The following MALRD1 variants were observed in gnomAD, a reference collection of about 807,000 sequenced individuals.
The protein encoded by MALRD1 is MAM and LDL receptor class A domain containing 1, also known as MAM and LDL-receptor class A domain-containing protein 1.
MALRD1 carries 247 observed loss-of-function variants against 242.1 expected under a neutral mutation model. The observed-to-expected ratio is 1.02, with a 90% confidence interval of 0.92 to 1.13. The LOEUF is 1.13. MALRD1 is among the 50% of genes most tolerant of loss of function. The pLI is 0.00. For missense variants in MALRD1, 2,989 were observed against 2,533.1 expected (o/e 1.18, Z -3.86); for synonymous variants, 995 against 866.6 (o/e 1.15, Z -2.60).
intron 21 of MALRD1, chr10:19,290,280 A>G (rs1295111887): frequency 6.6e-6 from 1 of 152,194 alleles, no homozygotes; most frequent in Non-Finnish European, 1.5e-5. Context: ...ACACCATTCC[A>G]TACAGCTAGT....
intron 38 of MALRD1, among the ~76,000 whole-genome samples, chr10:19,706,582 C>T: frequency 6.6e-6 from 1 of 152,088 alleles, no homozygotes; most frequent in Non-Finnish European, 1.5e-5. Flanking sequence ...AAACTCCTGA[C>T]CTCAGGTGAT....
intron 17 of MALRD1, among the ~76,000 whole-genome samples, chr10:19,206,259 G>T (rs7081985): frequency 0.7 from 105,145 of 151,244 alleles, 36,830 homozygotes; most frequent in African/African-American, 0.79. Flanking sequence ...TTTTGCCTAT[G>T]TGTAATCTTT....
At position 19,591,131 on chromosome 10, in the gene MALRD1, T is replaced by C. The variant is rs78311185; in HGVS notation, c.5681-4063T>C. On this transcript the variant is annotated intron_variant, in intron 33 of 39. Coordinates refer to ENST00000454679, the MANE Select transcript of MALRD1 (RefSeq NM_001142308.3). ...CTCCATAATTTTGCCTTTTCTAGAA[T>C]GTCATATAGTCAAAATCAGACAGCA... Among the ~76,000 whole-genome samples the C allele has an allele frequency of 2.9e-3, 440 of 152,284 alleles. 1 individual carries two copies. Among genetic ancestry groups the C allele is most frequent in the African/African-American group, 0.01 (422 of 41,564 alleles).
chr10:19,131,141 C>A (rs769300846), intron 8 of MALRD1, among the ~76,000 whole-genome samples: 62 of 152,048 alleles, frequency 4.1e-4, no homozygotes, highest in South Asian at 8.3e-4. Flanking sequence ...AGTCCCAAGT[C>A]AATGTTTTAT....
intron 31 of MALRD1, among the ~76,000 whole-genome samples, chr10:19,504,122 T>C (rs1838093194): frequency 6.6e-6 from 1 of 152,224 alleles, no homozygotes; most frequent in African/African-American, 2.4e-5. Context: ...GTTGATAGTG[T>C]CCTGCAGGTT....
intron 13 of MALRD1, among the ~76,000 whole-genome samples, chr10:19,172,245 C>A (rs1414611249): frequency 6.7e-6 from 1 of 148,496 alleles, no homozygotes; most frequent in Non-Finnish European, 1.5e-5. Context: ...TTAAAACCAG[C>A]AATAAAAAAT....
chr10:19,154,187 A>G (rs148341938), intron 11 of MALRD1, among the ~76,000 whole-genome samples: 1 of 152,014 alleles, frequency 6.6e-6, no homozygotes, highest in African/African-American at 2.4e-5. Flanking sequence ...ACTGGGTTCT[A>G]TTTTTCCCAC....
intron 33 of MALRD1, among the ~76,000 whole-genome samples, chr10:19,587,439 T>C (rs976062127): frequency 6.6e-6 from 1 of 152,226 alleles, no homozygotes; most frequent in Non-Finnish European, 1.5e-5. Flanking sequence ...CATTTTTTCC[T>C]TCAAAACAGA....
intron 14 of MALRD1, among the ~76,000 whole-genome samples, chr10:19,195,136 C>A (rs927084219): frequency 1.3e-5 from 2 of 152,100 alleles, no homozygotes; most frequent in Non-Finnish European, 2.9e-5. Context: ...AGAAAAGCAG[C>A]GTACATAGTG....
chr10:19,424,681 G>A (rs1341496809), intron 28 of MALRD1, among the ~76,000 whole-genome samples: 1 of 152,168 alleles, frequency 6.6e-6, no homozygotes, highest in African/African-American at 2.4e-5. Context: ...AGCATTGCCT[G>A]ATTTGGTTTT....
At chr10:19,357,311 G>A (rs1844682110) in intron 26 of MALRD1, among the ~76,000 whole-genome samples, 1 of 151,572 alleles carries the variant, frequency 6.6e-6, no homozygotes, top group East Asian at 1.9e-4. Context: ...AGATTCTTAA[G>A]AATTAAAAGA....
chr10:19,285,132 A>C (rs1841043616), intron 21 of MALRD1, among the ~76,000 whole-genome samples: 3 of 139,180 alleles, frequency 2.2e-5, no homozygotes, highest in Middle Eastern at 7.0e-3. Context: ...GTTTGAGTTC[A>C]TTGTAGATTC....
intron 14 of MALRD1, among the ~76,000 whole-genome samples, chr10:19,177,719 G>A (rs1050195307): frequency 6.6e-6 from 1 of 151,954 alleles, no homozygotes; most frequent in African/African-American, 2.4e-5. Context: ...CTTAGTTTTG[G>A]TGAAGAGCAA....
At chr10:19,243,538 T>G (rs963430066) in intron 18 of MALRD1, among the ~76,000 whole-genome samples, 2 of 152,158 alleles carry the variant, frequency 1.3e-5, no homozygotes, top group African/African-American at 4.8e-5. Flanking sequence ...TTGTGTATTA[T>G]CCTCAGACGT....
intron 26 of MALRD1, among the ~76,000 whole-genome samples, chr10:19,355,857 AT>A (rs199793986): frequency 0.068 from 2,297 of 33,814 alleles, 269 homozygotes; most frequent in East Asian, 0.33. Flanking sequence ...ATATATATAT[AT>A]TATATATGAT....
chr10:19,582,172 T>G (rs1177154468), intron 33 of MALRD1, among the ~76,000 whole-genome samples: 2 of 152,110 alleles, frequency 1.3e-5, no homozygotes, highest in African/African-American at 4.8e-5. Flanking sequence ...TTCTGTAGGT[T>G]GCCTGTTCAC....
chr10:19,471,906 A>T (rs10827485), intron 29 of MALRD1, among the ~76,000 whole-genome samples: 3 of 151,678 alleles, frequency 2.0e-5, no homozygotes, highest in Non-Finnish European at 4.4e-5. Context: ...AATTTGGATG[A>T]CTTTTATTTC....
intron 32 of MALRD1, among the ~76,000 whole-genome samples, chr10:19,560,512 T>C (rs1343463948): frequency 4.6e-5 from 7 of 151,936 alleles, no homozygotes; most frequent in Admixed American, 6.6e-5. Flanking sequence ...CACATGCACA[T>C]GTATGTTTAT....
intron 36 of MALRD1, among the ~76,000 whole-genome samples, chr10:19,692,024 G>T (rs1842843597): frequency 6.6e-6 from 1 of 152,218 alleles, no homozygotes; most frequent in South Asian, 2.1e-4. Flanking sequence ...AACAAAGAAC[G>T]ATGTGGAAAC....
Sources: gnomAD v4.1 joint callset for allele counts (sites outside exome capture counted in the v4.1 genomes callset) on GRCh38, gnomAD v4.1.1 for gene constraint, MANE v1.5 for transcripts, NCBI Gene and HGNC (gene_info 2026-07-23, HGNC 2026-07-21) for gene names.